The following RIMS4 variants were observed in gnomAD, a reference collection of about 807,000 sequenced individuals.
RIMS4 encodes the protein regulating synaptic membrane exocytosis 4.
A neutral mutation model predicts 29.0 loss-of-function variants in RIMS4; 9 were observed. The ratio of observed to expected loss-of-function variants is 0.31; its 90% confidence interval spans 0.19 to 0.54. The LOEUF (loss-of-function observed/expected upper bound fraction) is 0.54, where lower values mean the gene tolerates loss of function less well. RIMS4 is among the 20% of genes least tolerant of loss of function. The pLI, the probability that RIMS4 is intolerant of heterozygous loss-of-function variation, is 0.94. For synonymous variants in RIMS4, 130 were observed against 152.9 expected (o/e 0.85, Z 1.10); for missense variants, 193 against 365.7 (o/e 0.53, Z 3.85).
chr20:44,771,442 G>A, intron 1 of RIMS4, 29 bp from the exon 2 acceptor site: 8 of 1,594,698 alleles, frequency 5.0e-6, no homozygotes, highest in Non-Finnish European at 6.9e-6. Context: ...AAGAGAGATG[G>A]GAAGAGAGAC....
rs779300136 is a variant in RIMS4, at chr20:44,758,145, C to T, written c.276G>A (p.Gln92=). ...CCATGCTTCCCAGGAAGTCACTGAA[C>T]TGGGCGTCCGACGCCAGGCAAACTC... ...YGGVCLASDA[Q]FSDFLGSMGP... is the part of the protein sequence containing the mutation. Residue 92 remains glutamine, a synonymous_variant, in exon 3 of 6, where the codon CAG becomes CAA. Coordinates refer to ENST00000372851, the MANE Select transcript of RIMS4 (RefSeq NM_182970.4). The T allele has an allele frequency of 2.5e-6, 4 of 1,613,658 alleles. No homozygotes were observed. Among genetic ancestry groups the T allele is most frequent in the African/African-American group, 1.3e-5 (1 of 74,940 alleles).
Position 44,771,430 on chromosome 20 carries a change from C to A in RIMS4, c.98-17G>T, listed in dbSNP as rs766743591. On this transcript the variant is annotated splice_polypyrimidine_tract_variant and intron_variant, in intron 1 of 5. Transcript: ENST00000372851. ...GGCTGTCCCCTTCTGGGCAAAGCGGCCAAGAGAGATGGGAAGAGAGACACA... is the reference window on the plus strand; with the variant it reads ...GGCTGTCCCCTTCTGGGCAAAGCGGACAAGAGAGATGGGAAGAGAGACACA... The A allele has an allele frequency of 6.2e-7, 1 of 1,601,538 alleles. No individual in the cohort carries two copies. The highest frequency in any genetic ancestry group is 1.7e-5 in the Admixed American group (1 of 59,626).
chr20:44,764,181 T>TCCAC (rs1568895681), intron 2 of RIMS4, among the ~76,000 whole-genome samples: 1 of 64,496 alleles, frequency 1.6e-5, no homozygotes. Context: ...CATCCATCCA[T>TCCAC]CCATCCATTT....
chr20:44,784,158 G>A (rs991037471), intron 1 of RIMS4, among the ~76,000 whole-genome samples: 8 of 152,102 alleles, frequency 5.3e-5, no homozygotes, highest in African/African-American at 1.9e-4. Flanking sequence ...AGGCCAACTT[G>A]TACAGTCTGT....
chr20:44,772,398 G>A (rs946267455), intron 1 of RIMS4, among the ~76,000 whole-genome samples: 3 of 152,184 alleles, frequency 2.0e-5, no homozygotes, highest in African/African-American at 4.8e-5. Flanking sequence ...GTTCACTCTT[G>A]AAGCCTCAGC....
Position 44,759,932 on chromosome 20 carries a change from C to G in RIMS4, c.237-1748G>C, listed in dbSNP as rs144673938. Among the ~76,000 whole-genome samples the G allele has an allele frequency of 6.1e-3, 929 of 152,316 alleles. 9 individuals are homozygous for G. Among genetic ancestry groups the G allele is most frequent in the African/African-American group, 0.021 (885 of 41,572 alleles). The stretch of plus-strand genomic sequence containing the variant: ...TGCTTTCCCTTTTCCTGATTTCCTA[C>G]TACCCCTGGCTTGCTTTCCCCATTC... On this transcript the variant is annotated intron_variant, in intron 2 of 5. Coordinates refer to ENST00000372851, the MANE Select transcript of RIMS4 (RefSeq NM_182970.4).
In RIMS4 at chr20:44,773,824, G is replaced by A. The variant is rs2066147717; in HGVS notation, c.98-2411C>T. ...ATGCCTTTGCAGTCAGAAGGCCCAG[G>A]TATGGAGACCCGGGGCAAGCTGGAC... On this transcript the variant is annotated intron_variant, in intron 1 of 5. Coordinates refer to ENST00000372851, the MANE Select transcript of RIMS4 (RefSeq NM_182970.4). 2.6e-5 allele frequency among the ~76,000 whole-genome samples: 4 copies of A among 152,172 alleles called. No homozygotes were observed. The South Asian group carries it at 8.3e-4, about 32-fold the overall frequency.
At chr20:44,759,647 G>A (rs2066075779) in intron 2 of RIMS4, among the ~76,000 whole-genome samples, 1 of 152,232 alleles carries the variant, frequency 6.6e-6, no homozygotes, top group Non-Finnish European at 1.5e-5. Context: ...CCTGGCCAGA[G>A]ATGAGGCATA....
At position 44,784,645 on chromosome 20, in the gene RIMS4, A is replaced by G. The variant is rs1432061957; in HGVS notation, c.98-13232T>C. ...CTAAGGCTTCTCAAGAACCTCCCAC[A>G]TACATGCTTAACGCACGCTGGGTCT... On this transcript the variant is annotated intron_variant, in intron 1 of 5. Transcript: ENST00000372851. Among the ~76,000 whole-genome samples the G allele has an allele frequency of 2.0e-5, 3 of 152,232 alleles. No individual in the cohort carries two copies. The East Asian group carries it at 5.8e-4, about 29-fold the overall frequency.
chr20:44,774,871 G>T (rs1477844238), intron 1 of RIMS4, among the ~76,000 whole-genome samples: 1 of 151,910 alleles, frequency 6.6e-6, no homozygotes, highest in African/African-American at 2.4e-5. Flanking sequence ...CCATCCTCGG[G>T]CCCTTTCTAG....
At chr20:44,808,655 A>G (rs1183898432) in intron 1 of RIMS4, among the ~76,000 whole-genome samples, 1 of 152,120 alleles carries the variant, frequency 6.6e-6, no homozygotes, top group African/African-American at 2.4e-5. Context: ...TGCAGTAATC[A>G]TCTTTACCCT....
intron 2 of RIMS4, among the ~76,000 whole-genome samples, chr20:44,763,208 C>T (rs112907678): frequency 0.011 from 1,601 of 152,282 alleles, 18 homozygotes; most frequent in Middle Eastern, 0.078. Context: ...TAACGCAGAC[C>T]CTGGATGCCA....
chr20:44,760,407 C>G (rs938308984), intron 2 of RIMS4, among the ~76,000 whole-genome samples: 1 of 152,168 alleles, frequency 6.6e-6, no homozygotes, highest in African/African-American at 2.4e-5. Flanking sequence ...CCCTCCATAC[C>G]CTAGAGAGGA....
At chr20:44,794,127 T>C (rs989237899) in intron 1 of RIMS4, among the ~76,000 whole-genome samples, 4 of 152,192 alleles carry the variant, frequency 2.6e-5, no homozygotes, top group Non-Finnish European at 5.9e-5. Context: ...AGGTCTGATA[T>C]TCACCAAATG....
At chr20:44,805,867 G>A (rs978961153) in intron 1 of RIMS4, among the ~76,000 whole-genome samples, 17 of 151,932 alleles carry the variant, frequency 1.1e-4, no homozygotes, top group African/African-American at 3.9e-4. Flanking sequence ...GGATCTGTCC[G>A]GCAGGATATG....
chr20:44,802,689 G>A lies in RIMS4; in HGVS notation c.97+7486C>T, dbSNP rs560734079. ...AACATAAAAAACAGGGATTCAGGGG[G>A]CATGAGTTCTTGGCCTCTCTCTAAC... On this transcript the variant is annotated intron_variant, in intron 1 of 5. Transcript: ENST00000372851. 7.2e-5 allele frequency among the ~76,000 whole-genome samples: 11 copies of A among 152,308 alleles called. No individual in the cohort carries two copies. The South Asian group carries it at 2.3e-3, about 32-fold the overall frequency.
intron 1 of RIMS4, among the ~76,000 whole-genome samples, chr20:44,809,557 G>C (rs911902496): frequency 6.6e-6 from 1 of 152,054 alleles, no homozygotes; most frequent in Non-Finnish European, 1.5e-5. Flanking sequence ...ACCTCTCTCC[G>C]GGAAGAGAGG....
intron 1 of RIMS4, among the ~76,000 whole-genome samples, chr20:44,778,330 T>C (rs1233730730): frequency 6.6e-6 from 1 of 152,206 alleles, no homozygotes; most frequent in African/African-American, 2.4e-5. Flanking sequence ...GCCTTTATTG[T>C]ACAGAGGGCA....
intron 1 of RIMS4, among the ~76,000 whole-genome samples, chr20:44,804,820 C>G (rs2066291587): frequency 6.6e-6 from 1 of 152,138 alleles, no homozygotes; most frequent in Non-Finnish European, 1.5e-5. Context: ...ACCGAGGAAG[C>G]TGGAGCCAGG....
Sources: allele counts gnomAD v4.1 joint callset (sites outside exome capture counted in the v4.1 genomes callset), GRCh38; gene constraint gnomAD v4.1.1; transcripts MANE v1.5; gene names NCBI Gene and HGNC (gene_info 2026-07-23, HGNC 2026-07-21).